The following EEF1AKMT1 variants were observed in gnomAD, a reference collection of about 807,000 sequenced individuals.
EEF1AKMT1 encodes EEF1A lysine methyltransferase 1, also known as N-6 adenine-specific DNA methyltransferase 2 (putative).
In EEF1AKMT1, 18 loss-of-function variants were observed where a neutral mutation model predicts 21.0. The ratio of observed to expected loss-of-function variants is 0.86; its 90% confidence interval spans 0.59 to 1.27. The LOEUF is 1.27. Among genes scored for constraint, EEF1AKMT1 ranks in the 50% most tolerant of loss-of-function variants. EEF1AKMT1 has a pLI of 0.00. For synonymous variants in EEF1AKMT1, 109 were observed against 94.8 expected (o/e 1.15, Z -0.87); for missense variants, 246 against 258.6 (o/e 0.95, Z 0.33).
Position 20,729,026 on chromosome 13 carries a change from T to C in EEF1AKMT1, c.*54A>G, listed in dbSNP as rs958834602. 1 of 1,607,010 alleles carries C rather than the reference T, an allele frequency of 6.2e-7. No individual in the cohort carries two copies. Among genetic ancestry groups the C allele is most frequent in the Non-Finnish European group, 8.5e-7 (1 of 1,174,508 alleles). ...ATAACTTTTAAATCTACTACGAAAATACAAAAAGAGGAATGTGACAGGGTT... is the reference window on the plus strand; with the variant it reads ...ATAACTTTTAAATCTACTACGAAAACACAAAAAGAGGAATGTGACAGGGTT... On this transcript the variant is annotated 3_prime_UTR_variant, in exon 5 of 5. Coordinates refer to ENST00000382758, the MANE Select transcript of EEF1AKMT1 (RefSeq NM_001318939.2).
At chr13:20,735,227 A>T (rs2058819990) in intron 3 of EEF1AKMT1, among the ~76,000 whole-genome samples, 1 of 152,192 alleles carries the variant, frequency 6.6e-6, no homozygotes, top group Non-Finnish European at 1.5e-5. Context: ...TAACTCAAGA[A>T]GCAGAGGTGA....
intron 1 of EEF1AKMT1, among the ~76,000 whole-genome samples, chr13:20,769,793 GA>G (rs939982282): frequency 9.3e-4 from 137 of 147,742 alleles, no homozygotes; most frequent in African/African-American, 2.1e-3. Context: ...CCATTCAAAG[GA>G]AAAAAAAAAT....
intron 1 of EEF1AKMT1, among the ~76,000 whole-genome samples, chr13:20,771,316 C>T (rs1372427197): frequency 6.6e-6 from 1 of 152,130 alleles, no homozygotes; most frequent in Non-Finnish European, 1.5e-5. Flanking sequence ...CAAGGAATTC[C>T]AAAGAGCAAT....
chr13:20,740,530 T>G (rs1039887153), intron 2 of EEF1AKMT1, among the ~76,000 whole-genome samples: 2 of 152,170 alleles, frequency 1.3e-5, no homozygotes, highest in Non-Finnish European at 2.9e-5. Flanking sequence ...ACTTGCCGGG[T>G]GTGGTGGCTC....
chr13:20,746,610 T>A (rs747780259), intron 2 of EEF1AKMT1, among the ~76,000 whole-genome samples: 1 of 152,182 alleles, frequency 6.6e-6, no homozygotes, highest in Non-Finnish European at 1.5e-5. Flanking sequence ...GCACCGTAAG[T>A]GGTAAGAGTT....
chr13:20,740,456 G>A (rs749979364), intron 2 of EEF1AKMT1, among the ~76,000 whole-genome samples: 15 of 152,260 alleles, frequency 9.9e-5, no homozygotes, highest in Non-Finnish European at 1.6e-4. Flanking sequence ...AAGAGCAAGC[G>A]AGGGCTACCA....
rs144830355 is a variant in EEF1AKMT1 at position 20,757,537 on chromosome 13, T to C, written c.62A>G (p.Gln21Arg). The C allele has an allele frequency of 3.2e-5, 51 of 1,614,086 alleles. No homozygotes were observed. The highest frequency in any genetic ancestry group is 4.1e-5 in the Non-Finnish European group (48 of 1,180,014). Residue 21 changes from glutamine to arginine, a missense_variant, in exon 2 of 5, where the codon CAG (glutamine) becomes CGG (arginine). Transcript: ENST00000382758. ...TTGCTTTTGCTCAGCATAAAATTCCTGGAGAGCTGCTAAGGCATGGGCAGA... is the reference window on the plus strand; with the variant it reads ...TTGCTTTTGCTCAGCATAAAATTCCCGGAGAGCTGCTAAGGCATGGGCAGA... ...QLSAHALAAL[Q>R]EFYAEQKQQI...
intron 2 of EEF1AKMT1, among the ~76,000 whole-genome samples, chr13:20,740,211 C>T (rs867343460): frequency 5.9e-5 from 9 of 152,236 alleles, no homozygotes; most frequent in South Asian, 4.1e-4. Flanking sequence ...CGGTGCCAGC[C>T]GGCTGCTCCG....
chr13:20,757,790 G>C (rs1191027485), intron 1 of EEF1AKMT1, among the ~76,000 whole-genome samples, 173 bp from the exon 2 acceptor site: 2 of 152,102 alleles, frequency 1.3e-5, no homozygotes, highest in Non-Finnish European at 2.9e-5. Context: ...TCCCTCTTCT[G>C]TGGCCAAGTA....
chr13:20,734,577 A>ATTATTTATTTAT (rs10594463), intron 3 of EEF1AKMT1, among the ~76,000 whole-genome samples: 8,494 of 147,596 alleles, frequency 0.058, 491 homozygotes, highest in African/African-American at 0.14. Context: ...TCTTTATTTT[A>ATTATTTATTTAT]TTATTTATTT....
At chr13:20,743,553 G>A (rs1208175270) in intron 2 of EEF1AKMT1, among the ~76,000 whole-genome samples, 1 of 150,542 alleles carries the variant, frequency 6.6e-6, no homozygotes, top group Non-Finnish European at 1.5e-5. Flanking sequence ...GAGGTGTCTT[G>A]CATTTTGCTC....
chr13:20,754,760 A>G (rs1010234531), intron 2 of EEF1AKMT1, among the ~76,000 whole-genome samples: 6 of 140,774 alleles, frequency 4.3e-5, no homozygotes, highest in African/African-American at 1.6e-4. Flanking sequence ...AAAAAAAAAA[A>G]AAAATCACTA....
rs138379349 is a variant in EEF1AKMT1 at position 20,742,882 on chromosome 13, T to C, written c.145-5077A>G. On this transcript the variant is annotated intron_variant, in intron 2 of 4. Transcript: ENST00000382758. ...ACATCTGGATATTAATCCTTTGCTC[T>C]CATGCATGAGACAAATATTTTCTCC... Among the ~76,000 whole-genome samples the C allele has an allele frequency of 3.5e-3, 528 of 152,318 alleles. 6 individuals are homozygous for C. Among genetic ancestry groups the C allele is most frequent in the African/African-American group, 0.012 (494 of 41,558 alleles).
At chr13:20,731,166 C>CTT (rs1237699682) in intron 4 of EEF1AKMT1, among the ~76,000 whole-genome samples, 2 of 136,400 alleles carry the variant, frequency 1.5e-5, no homozygotes, top group Non-Finnish European at 3.5e-5. Context: ...CCCATGCAAC[C>CTT]ACACCTGGCT....
intron 1 of EEF1AKMT1, among the ~76,000 whole-genome samples, chr13:20,763,784 G>GCCTCTCATA (rs1442278937): frequency 6.6e-6 from 1 of 152,042 alleles, no homozygotes; most frequent in Non-Finnish European, 1.5e-5. Flanking sequence ...GCCTTTAACT[G>GCCTCTCATA]CAAATTCAAT....
chr13:20,768,995 G>C (rs1341713042), intron 1 of EEF1AKMT1: 1 of 151,992 alleles, frequency 6.6e-6, no homozygotes, highest in Non-Finnish European at 1.5e-5. Context: ...GAGAGGACCT[G>C]AGACTATGCC....
At chr13:20,758,697 AG>A (rs1289771731) in intron 1 of EEF1AKMT1, among the ~76,000 whole-genome samples, 1 of 152,224 alleles carries the variant, frequency 6.6e-6, no homozygotes, top group African/African-American at 2.4e-5. Flanking sequence ...GAACTAAAAA[AG>A]AGAATGAATA....
intron 1 of EEF1AKMT1, among the ~76,000 whole-genome samples, chr13:20,773,680 C>A (rs941706742): frequency 1.3e-5 from 2 of 152,230 alleles, no homozygotes; most frequent in South Asian, 2.1e-4. Context: ...CAGGACGCGG[C>A]GCCTTCCGGC....
intron 2 of EEF1AKMT1, among the ~76,000 whole-genome samples, chr13:20,753,314 T>C (rs1166131878): frequency 2.0e-5 from 3 of 152,158 alleles, no homozygotes; most frequent in African/African-American, 7.2e-5. Context: ...CATTTCAATT[T>C]TTCAAAAATT....
Sources: gnomAD v4.1 joint callset for allele counts (sites outside exome capture counted in the v4.1 genomes callset) on GRCh38, gnomAD v4.1.1 for gene constraint, MANE v1.5 for transcripts, NCBI Gene and HGNC (gene_info 2026-07-23, HGNC 2026-07-21) for gene names.